The following QTMAN variants were observed in gnomAD, a reference collection of about 807,000 sequenced individuals.
QTMAN encodes the protein tRNA-queuosine alpha-mannosyltransferase.
At chr2:143,957,896 A>C in the QTMAN span, among the ~76,000 whole-genome samples, 1 of 152,146 alleles carries the variant, frequency 6.6e-6, no homozygotes, top group South Asian at 2.1e-4. Context: ...TGTGTCGCTG[A>C]GTGAAGGGAG....
the QTMAN span, among the ~76,000 whole-genome samples, chr2:144,171,560 T>C: frequency 2.3e-4 from 35 of 152,196 alleles, no homozygotes. Context: ...ACTGAAGTGA[T>C]TTTTTAAGAA....
At chr2:144,109,714 C>T in the QTMAN span, among the ~76,000 whole-genome samples, 9,243 of 151,730 alleles carry the variant, frequency 0.061, 939 homozygotes, top group African/African-American at 0.21. Context: ...AACAACCCCA[C>T]CAAAAAGTAG....
chr2:144,045,832 C>T, the QTMAN span, among the ~76,000 whole-genome samples: 8 of 152,142 alleles, frequency 5.3e-5, no homozygotes, highest in Admixed American at 2.6e-4. Context: ...CAGAGAAGAT[C>T]CTTACACTAC....
the QTMAN span, chr2:143,940,139 A>G: frequency 6.6e-6 from 1 of 152,196 alleles, no homozygotes; most frequent in Non-Finnish European, 1.5e-5. Flanking sequence ...AACTGTCTCC[A>G]TAATCCTGAA....
At chr2:144,263,805 C>T in the QTMAN span, among the ~76,000 whole-genome samples, 26 of 152,124 alleles carry the variant, frequency 1.7e-4, no homozygotes, top group South Asian at 5.0e-3. Flanking sequence ...TTAAGTATTG[C>T]TTGAAATTCA....
the QTMAN span, among the ~76,000 whole-genome samples, chr2:144,102,820 G>A: frequency 2.0e-5 from 3 of 152,108 alleles, no homozygotes; most frequent in Admixed American, 1.3e-4. Context: ...ACAAAATTAA[G>A]CAGTAGAATC....
chr2:143,977,393 G>C, the QTMAN span, among the ~76,000 whole-genome samples: 1 of 152,170 alleles, frequency 6.6e-6, no homozygotes, highest in Non-Finnish European at 1.5e-5. Flanking sequence ...GGCAAGAAAC[G>C]CAAGAGACTG....
the QTMAN span, among the ~76,000 whole-genome samples, chr2:144,330,297 C>T: frequency 6.6e-6 from 1 of 152,128 alleles, no homozygotes; most frequent in Non-Finnish European, 1.5e-5. Context: ...AGGGATGTAG[C>T]CCAGGACTAA....
At chr2:144,215,241 T>C in the QTMAN span, among the ~76,000 whole-genome samples, 1 of 149,700 alleles carries the variant, frequency 6.7e-6, no homozygotes, top group Non-Finnish European at 1.5e-5. Flanking sequence ...GGTCCTGTCT[T>C]TATTTTTTAA....
the QTMAN span, among the ~76,000 whole-genome samples, chr2:144,158,248 G>A: frequency 6.6e-6 from 1 of 151,996 alleles, no homozygotes; most frequent in East Asian, 1.9e-4. Context: ...AACAGTCCTT[G>A]AAAAACTAAG....
chr2:144,099,182 A>C, the QTMAN span, among the ~76,000 whole-genome samples: 10 of 152,366 alleles, frequency 6.6e-5, 2 homozygotes, highest in African/African-American at 2.4e-4. Context: ...ACAGCAGTAA[A>C]GTAAGCAATG....
At chr2:144,314,170 T>C in the QTMAN span, among the ~76,000 whole-genome samples, 3 of 152,158 alleles carry the variant, frequency 2.0e-5, no homozygotes, top group Non-Finnish European at 4.4e-5. Context: ...AACTGAAGAA[T>C]GGTAAACAAA....
At chr2:144,207,395 A>G in the QTMAN span, among the ~76,000 whole-genome samples, 40 of 152,260 alleles carry the variant, frequency 2.6e-4, no homozygotes, top group African/African-American at 9.4e-4. Flanking sequence ...TTTAAGTCAC[A>G]AGCTGCTATG....
At chr2:144,129,314 G>C in the QTMAN span, among the ~76,000 whole-genome samples, 1 of 151,828 alleles carries the variant, frequency 6.6e-6, no homozygotes, top group Non-Finnish European at 1.5e-5. Context: ...ATGAACTCAA[G>C]AGCTGATGAC....
the QTMAN span, among the ~76,000 whole-genome samples, chr2:144,243,537 T>A: frequency 2.0e-5 from 3 of 152,356 alleles, no homozygotes; most frequent in South Asian, 6.2e-4. Flanking sequence ...AGCTGTTTAT[T>A]AATAACCTAC....
chr2:144,243,339 T>C, the QTMAN span, among the ~76,000 whole-genome samples: 3 of 152,184 alleles, frequency 2.0e-5, no homozygotes, highest in Non-Finnish European at 2.9e-5. Context: ...AACTCCATAA[T>C]GCCCATTTAT....
chr2:143,972,173 G>A, the QTMAN span, among the ~76,000 whole-genome samples: 2 of 152,080 alleles, frequency 1.3e-5, no homozygotes, highest in African/African-American at 2.4e-5. Flanking sequence ...CAAGAACAAA[G>A]ACTCAAAACA....
the QTMAN span, among the ~76,000 whole-genome samples, chr2:143,966,125 A>G: frequency 6.6e-6 from 1 of 152,082 alleles, no homozygotes; most frequent in Non-Finnish European, 1.5e-5. Flanking sequence ...TAAAACAGGG[A>G]TGATTCTGTG....
chr2:144,109,478 A>T, the QTMAN span, among the ~76,000 whole-genome samples: 2 of 152,056 alleles, frequency 1.3e-5, no homozygotes, highest in Admixed American at 1.3e-4. Flanking sequence ...TTCAGGACAT[A>T]GGCATGGGCA....
Sources: allele counts gnomAD v4.1 joint callset (sites outside exome capture counted in the v4.1 genomes callset), GRCh38; gene constraint gnomAD v4.1.1; transcripts MANE v1.5; gene names NCBI Gene and HGNC (gene_info 2026-07-23, HGNC 2026-07-21).